Variants in GABRA3 observed in about 807,000 individuals in gnomAD.
GABRA3 encodes the protein gamma-aminobutyric acid receptor subunit alpha-3.
A neutral mutation model predicts 30.1 loss-of-function variants in GABRA3; 10 were observed. The ratio of observed to expected loss-of-function variants is 0.33; its 90% CI spans 0.20 to 0.56. The LOEUF is 0.56. GABRA3 is among the 20% of genes least tolerant of loss of function. GABRA3 has a pLI of 0.89. For missense variants in GABRA3, 233 were observed against 392.0 expected (o/e 0.59, Z 3.42); for synonymous variants, 151 against 146.8 (o/e 1.03, Z -0.21).
At position 152,337,631 on chromosome X, in the gene GABRA3, C is replaced by A. The variant is rs762474181; in HGVS notation, c.262+7950G>T. Among the ~76,000 whole-genome samples, 257 of 110,986 alleles carry A rather than the reference C, an allele frequency of 2.3e-3. 2 individuals are homozygous for A. The highest frequency in any genetic ancestry group is 4.0e-3 in the Non-Finnish European group (210 of 53,002). ...ATTGTTTGAGCCCAGGAGTTCAAGA[C>A]CAGCCTGGGCAACATAGTGAGACCC... On this transcript the variant is annotated intron_variant, in intron 3 of 9. Transcript: ENST00000370314.
At chrX:152,252,450 C>A (rs1331207875) in intron 5 of GABRA3, among the ~76,000 whole-genome samples, 1 of 111,227 alleles carries the variant, frequency 9.0e-6, no homozygotes, top group Non-Finnish European at 1.9e-5. Flanking sequence ...AATTCTGTTA[C>A]CCACGTCGTG....
intron 9 of GABRA3, among the ~76,000 whole-genome samples, chrX:152,176,065 A>AAAATAAAT (rs61560461): frequency 2.6e-4 from 24 of 93,955 alleles, no homozygotes; most frequent in South Asian, 9.9e-4. Context: ...TTCCATCTCA[A>AAAATAAAT]AAATAAATAA....
chrX:152,352,948 A>G (rs915256823), intron 2 of GABRA3, among the ~76,000 whole-genome samples: 2 of 111,283 alleles, frequency 1.8e-5, no homozygotes, highest in Non-Finnish European at 3.8e-5. Context: ...AGTCTTTCCT[A>G]TAAGTGGAAA....
chrX:152,256,155 G>A (rs943231134), intron 4 of GABRA3, among the ~76,000 whole-genome samples, 157 bp from the exon 5 acceptor site: 6 of 111,413 alleles, frequency 5.4e-5, no homozygotes, highest in African/African-American at 2.0e-4. Flanking sequence ...AAATGATTAT[G>A]ATTGAGAAAT....
chrX:152,195,639 A>G (rs1458333531), intron 8 of GABRA3, among the ~76,000 whole-genome samples: 2 of 111,513 alleles, frequency 1.8e-5, no homozygotes, highest in Non-Finnish European at 3.8e-5. Context: ...CAAATCCGAC[A>G]GCAGAGCATG....
At chrX:152,199,088 T>A (rs187969883) in intron 7 of GABRA3, among the ~76,000 whole-genome samples, 1 of 110,937 alleles carries the variant, frequency 9.0e-6, no homozygotes, top group Non-Finnish European at 1.9e-5. Flanking sequence ...GAGGGCTGGG[T>A]GCGGTGGCTC....
intron 7 of GABRA3, among the ~76,000 whole-genome samples, chrX:152,200,052 T>C (rs1047840926): frequency 1.8e-5 from 2 of 112,121 alleles, no homozygotes; most frequent in African/African-American, 6.5e-5. Context: ...GCATTCATAG[T>C]ACAGCTGCCA....
chrX:152,265,338 A>G (rs1010760177), intron 4 of GABRA3, among the ~76,000 whole-genome samples: 1 of 111,797 alleles, frequency 8.9e-6, no homozygotes, highest in Non-Finnish European at 1.9e-5. Context: ...ATCAATAATA[A>G]GAGGAATTTT....
At chrX:152,267,322 T>C (rs1026976732) in intron 4 of GABRA3, among the ~76,000 whole-genome samples, 1 of 112,287 alleles carries the variant, frequency 8.9e-6, no homozygotes, top group Non-Finnish European at 1.9e-5. Context: ...ATTTATTAAT[T>C]TGTATATGTT....
chrX:152,420,713 AC>A (rs1930352311), intron 1 of GABRA3, among the ~76,000 whole-genome samples: 1 of 111,441 alleles, frequency 9.0e-6, no homozygotes, highest in Non-Finnish European at 1.9e-5. Flanking sequence ...GGATTATACT[AC>A]CAGATTAATT....
intron 2 of GABRA3, among the ~76,000 whole-genome samples, chrX:152,362,092 C>CAA (rs1235790118): frequency 1.8e-5 from 2 of 110,780 alleles, no homozygotes; most frequent in Non-Finnish European, 3.8e-5. Context: ...TAAGGATATA[C>CAA]AAGCCCAGTT....
chrX:152,423,295 C>T (rs977267836), intron 1 of GABRA3, among the ~76,000 whole-genome samples: 7 of 111,296 alleles, frequency 6.3e-5, no homozygotes, highest in Non-Finnish European at 1.1e-4. Flanking sequence ...ATGACCCTTG[C>T]GCATGAATTA....
chrX:152,231,141 G>A (rs868016086), intron 5 of GABRA3, among the ~76,000 whole-genome samples: 1 of 102,254 alleles, frequency 9.8e-6, no homozygotes, highest in East Asian at 3.1e-4. Context: ...AATGAGAAGT[G>A]TATATATATA....
rs201431127 is a variant in GABRA3, at chrX:152,168,491, T to G, written c.1216A>C (p.Asn406His). ...GAAAATTCAGTGTCCTTGGCCAGGTTGATGGGATAGGTGGTCCCCACGATG... is the reference window on the plus strand; with the variant it reads ...GAAAATTCAGTGTCCTTGGCCAGGTGGATGGGATAGGTGGTCCCCACGATG... ...FNIVGTTYPI[N>H]LAKDTEFSTI... Residue 406 changes from asparagine to histidine, a missense_variant, in exon 10 of 10, where the codon AAC becomes CAC. Coordinates refer to ENST00000370314, the MANE Select transcript of GABRA3 (RefSeq NM_000808.4). 8.3e-7 allele frequency: 1 copy of G among 1,211,384 alleles called. No individual in the cohort carries two copies.
intron 6 of GABRA3, among the ~76,000 whole-genome samples, chrX:152,208,410 T>A (rs952511078): frequency 6.3e-4 from 71 of 112,072 alleles, no homozygotes; most frequent in African/African-American, 2.0e-3. Flanking sequence ...TCTTCTAGAC[T>A]GCCAATAAAC....
Position 152,169,532 on chromosome X carries a change from GAGAGA to G in GABRA3, c.1144-974_1144-970del, listed in dbSNP as rs756686518. On this transcript the variant is annotated intron_variant, in intron 9 of 9. Transcript: ENST00000370314. Reference sequence around the variant, plus strand: ...TCACTGGGCCTCCCCTGATGCAGAAGAGAGAAGAGGAGACAATGCTTAGGCCTGGA... The same window carrying G: ...TCACTGGGCCTCCCCTGATGCAGAAGAGAGGAGACAATGCTTAGGCCTGGA... 1.5e-4 allele frequency among the ~76,000 whole-genome samples: 17 copies of G among 112,068 alleles called. No individual in the cohort carries two copies. The East Asian group carries it at 4.8e-3, about 32-fold the overall frequency.
At chrX:152,445,048 G>T (rs1249508461) in intron 1 of GABRA3, among the ~76,000 whole-genome samples, 2 of 50,057 alleles carry the variant, frequency 4.0e-5, no homozygotes, top group Non-Finnish European at 6.5e-5. Context: ...GCAACAGAGT[G>T]AGACTCCGTC....
At chrX:152,237,286 G>C (rs1268520006) in intron 5 of GABRA3, among the ~76,000 whole-genome samples, 1 of 109,765 alleles carries the variant, frequency 9.1e-6, no homozygotes, top group Non-Finnish European at 1.9e-5. Context: ...TCTCAGGTTT[G>C]TCAAAGATCA....
intron 1 of GABRA3, among the ~76,000 whole-genome samples, chrX:152,422,343 T>C (rs1246203726): frequency 9.0e-6 from 1 of 111,167 alleles, no homozygotes; most frequent in Non-Finnish European, 1.9e-5. Context: ...TATATAAAGT[T>C]TAAAAACAAG....
Sources: gnomAD v4.1 joint callset for allele counts (sites outside exome capture counted in the v4.1 genomes callset) on GRCh38, gnomAD v4.1.1 for gene constraint, MANE v1.5 for transcripts, NCBI Gene and HGNC (gene_info 2026-07-23, HGNC 2026-07-21) for gene names.